PRKN: variants seen among roughly 807,000 people sequenced by gnomAD.
PRKN encodes parkin RBR E3 ubiquitin protein ligase, also known as E3 ubiquitin-protein ligase parkin.
Under a neutral mutation model 59.5 loss-of-function variants are expected in PRKN, and 56 were observed. That is an observed-to-expected ratio of 0.94 (90% confidence interval 0.76 to 1.18). PRKN has a LOEUF of 1.18. Among genes scored for constraint, PRKN ranks in the 50% most tolerant of loss-of-function variants. PRKN has a pLI of 0.00. For missense variants in PRKN, 657 were observed against 596.4 expected (o/e 1.10, Z -1.06); for synonymous variants, 250 against 222.1 (o/e 1.13, Z -1.12).
At chr6:162,068,364 T>G (rs1370421623) in intron 4 of PRKN, among the ~76,000 whole-genome samples, 1 of 152,232 alleles carries the variant, frequency 6.6e-6, no homozygotes, top group African/African-American at 2.4e-5. Flanking sequence ...ACCACAATTT[T>G]GTTGCTTAAA....
At chr6:162,532,298 C>A (rs769441338) in intron 1 of PRKN, among the ~76,000 whole-genome samples, 2 of 152,218 alleles carry the variant, frequency 1.3e-5, no homozygotes, top group Non-Finnish European at 2.9e-5. Context: ...GATATATGCA[C>A]GCACACAAGC....
At chr6:162,094,722 A>T (rs1779657386) in intron 4 of PRKN, among the ~76,000 whole-genome samples, 1 of 152,164 alleles carries the variant, frequency 6.6e-6, no homozygotes, top group Non-Finnish European at 1.5e-5. Flanking sequence ...GTTTTAAGTC[A>T]CTTTAAAACA....
chr6:161,870,532 G>A (rs1794300805), intron 6 of PRKN, among the ~76,000 whole-genome samples: 1 of 151,854 alleles, frequency 6.6e-6, no homozygotes, highest in Admixed American at 6.6e-5. Context: ...CCTTTTGTTG[G>A]CATGAGTCAG....
At chr6:161,522,049 G>A (rs775813437) in intron 9 of PRKN, among the ~76,000 whole-genome samples, 9 of 152,092 alleles carry the variant, frequency 5.9e-5, no homozygotes, top group African/African-American at 1.7e-4. Context: ...GGATGTGGAC[G>A]GCGAATATTG....
At chr6:161,888,890 A>T (rs2128231509) in intron 6 of PRKN, among the ~76,000 whole-genome samples, 1 of 152,250 alleles carries the variant, frequency 6.6e-6, no homozygotes. Context: ...TTTCTTTTTT[A>T]GAGTACTTAC....
At chr6:161,736,809 A>C (rs1177792514) in intron 7 of PRKN, among the ~76,000 whole-genome samples, 1 of 152,196 alleles carries the variant, frequency 6.6e-6, no homozygotes, top group Non-Finnish European at 1.5e-5. Flanking sequence ...GACCTCATCT[A>C]TTCTGGGTCA....
intron 6 of PRKN, among the ~76,000 whole-genome samples, chr6:161,949,955 C>A (rs2128245599): frequency 6.6e-6 from 1 of 152,270 alleles, no homozygotes; most frequent in Non-Finnish European, 1.5e-5. Flanking sequence ...CAAAGCATCT[C>A]CTCATGGGGC....
intron 2 of PRKN, among the ~76,000 whole-genome samples, chr6:162,328,291 A>G (rs1783402124): frequency 6.6e-6 from 1 of 152,058 alleles, no homozygotes; most frequent in South Asian, 2.1e-4. Flanking sequence ...CCCAGGAGAC[A>G]GGAGACAGAG....
intron 1 of PRKN, among the ~76,000 whole-genome samples, chr6:162,462,059 T>C (rs1399357337): frequency 6.6e-6 from 1 of 152,164 alleles, no homozygotes; most frequent in Non-Finnish European, 1.5e-5. Flanking sequence ...ATGGAGGTAT[T>C]TACAGTAGTG....
Position 161,385,760 on chromosome 6 carries a change from G to C in PRKN, c.1167+1034C>G, listed in dbSNP as rs1253005524. Among the ~76,000 whole-genome samples, 1 of 152,138 alleles carries C rather than the reference G, an allele frequency of 6.6e-6. No homozygotes were observed. Among genetic ancestry groups the C allele is most frequent in the Admixed American group, 6.6e-5 (1 of 15,262 alleles). Reference sequence around the variant, plus strand: ...ATTATTGCTTTTGCTGTCAGTACCTGGTAAGCTCGCGTTTGAATGTCCCTG... The same window carrying C: ...ATTATTGCTTTTGCTGTCAGTACCTCGTAAGCTCGCGTTTGAATGTCCCTG... On this transcript the variant is annotated intron_variant, in intron 10 of 11. Coordinates refer to ENST00000366898, the MANE Select transcript of PRKN (RefSeq NM_004562.3). This position sits in a 1 kb window ranked among gnomAD's most constrained non-coding sequence, Gnocchi z 4.9.
intron 5 of PRKN, among the ~76,000 whole-genome samples, chr6:161,980,905 T>C (rs1468849382): frequency 6.6e-6 from 1 of 152,080 alleles, no homozygotes; most frequent in East Asian, 1.9e-4. Flanking sequence ...CAGCCTCCAC[T>C]AAAAACAAAA....
At chr6:161,437,566 C>G (rs983508854) in intron 9 of PRKN, among the ~76,000 whole-genome samples, 1 of 152,126 alleles carries the variant, frequency 6.6e-6, no homozygotes, top group African/African-American at 2.4e-5. Flanking sequence ...GGCAGGGGAG[C>G]CTGGGCTAGG....
intron 2 of PRKN, among the ~76,000 whole-genome samples, chr6:162,380,532 T>TACAC (rs1400954106): frequency 7.0e-6 from 1 of 143,264 alleles, no homozygotes; most frequent in African/African-American, 2.6e-5. Context: ...TATGTATATA[T>TACAC]ACATATATAT....
chr6:162,027,867 A>G (rs1279878101), intron 5 of PRKN, among the ~76,000 whole-genome samples: 1 of 151,670 alleles, frequency 6.6e-6, no homozygotes, highest in East Asian at 1.9e-4. Flanking sequence ...AGAAAAGGAG[A>G]GAGGGAGGGA....
intron 6 of PRKN, among the ~76,000 whole-genome samples, chr6:161,904,590 C>T (rs9456724): frequency 0.017 from 2,644 of 152,268 alleles, 63 homozygotes; most frequent in African/African-American, 0.06. Context: ...ACTGAGATTA[C>T]AGGCGTAAGC....
At chr6:162,647,947 TGCAAAAAA>T (rs1460431388) in intron 1 of PRKN, among the ~76,000 whole-genome samples, 26 of 15,552 alleles carry the variant, frequency 1.7e-3, no homozygotes, top group African/African-American at 3.5e-3. Flanking sequence ...ATGTCCACAG[TGCAAAAAA>T]AAAAAAAAAA....
intron 7 of PRKN, among the ~76,000 whole-genome samples, chr6:161,767,769 G>T (rs7740803): frequency 6.7e-6 from 1 of 148,228 alleles, no homozygotes; most frequent in Non-Finnish European, 1.5e-5. Context: ...CTGGGGGTGG[G>T]GGGCTGGGGG....
At chr6:162,167,611 AT>A (rs34070887) in intron 4 of PRKN, among the ~76,000 whole-genome samples, 124,044 of 145,272 alleles carry the variant, frequency 0.85, 54,101 homozygotes, top group Non-Finnish European at 0.96. Flanking sequence ...AATAACAGGG[AT>A]TTTTTTTTTT....
chr6:161,372,825 A>ATTT lies in PRKN; in HGVS notation c.1168-12623_1168-12621dup, dbSNP rs11293379. 2.8e-4 allele frequency among the ~76,000 whole-genome samples: 32 copies of ATTT among 114,408 alleles called. No individual in the cohort carries two copies. Among genetic ancestry groups the ATTT allele is most frequent in the South Asian group, 6.0e-4 (2 of 3,348 alleles). 75.1% of individuals were successfully genotyped at this position (114,408 alleles called of 152,430 possible). On this transcript the variant is annotated intron_variant, in intron 10 of 11. Transcript: ENST00000366898. The surrounding 1 kb of genome is among the most constrained non-coding windows in gnomAD (Gnocchi z 4.2). ...TGGTCAACAAAGACAGAGAGACCCTATTTTTTTTTTTTTTTTTTTTTTGAG... is the reference window on the plus strand; with the variant it reads ...TGGTCAACAAAGACAGAGAGACCCTATTTTTTTTTTTTTTTTTTTTTTTTTGAG...
Sources: gnomAD v4.1 joint callset for allele counts (sites outside exome capture counted in the v4.1 genomes callset) on GRCh38, gnomAD v4.1.1 for gene constraint, Gnocchi (gnomAD v3.1) non-coding constraint, MANE v1.5 for transcripts, NCBI Gene and HGNC (gene_info 2026-07-23, HGNC 2026-07-21) for gene names.